Variants in RNF216 observed in about 807,000 individuals in gnomAD.
RNF216 encodes the protein ring finger protein 216.
Under a neutral mutation model 110.8 loss-of-function variants are expected in RNF216, and 72 were observed. The ratio of observed to expected loss-of-function variants is 0.65; its 90% CI spans 0.54 to 0.79. The LOEUF is 0.79. RNF216 is among the 30% of genes least tolerant of loss of function. The pLI, the probability that RNF216 is intolerant of heterozygous loss-of-function variation, is 0.00. For missense variants in RNF216, 1,342 were observed against 1,141.2 expected, an observed-to-expected ratio of 1.18 and a Z score of -2.54; for synonymous variants, 495 against 407.5, an observed-to-expected ratio of 1.21 and a Z score of -2.59.
intron 3 of RNF216, among the ~76,000 whole-genome samples, chr7:5,746,871 C>T (rs188947834): frequency 2.8e-4 from 42 of 152,268 alleles, no homozygotes; most frequent in African/African-American, 9.9e-4. Context: ...TCACTTGAAT[C>T]CTAAGACTCC....
At chr7:5,663,571 G>A (rs551301414) in intron 13 of RNF216, among the ~76,000 whole-genome samples, 5 of 132,046 alleles carry the variant, frequency 3.8e-5, no homozygotes, top group South Asian at 2.5e-4. Flanking sequence ...GCGACACAGC[G>A]AGACTCCACC....
Position 5,711,754 on chromosome 7 carries a change from T to C in RNF216, c.2061+7A>G. The C allele has an allele frequency of 6.2e-7, 1 of 1,611,004 alleles. No homozygotes were observed. Among genetic ancestry groups the C allele is most frequent in the African/African-American group, 1.3e-5 (1 of 74,964 alleles). ...ATATACATCTAGAAAAAAATGTGCCTCCCTACCTTTCGGCAGTGAGGATTA... is the reference window on the plus strand; with the variant it reads ...ATATACATCTAGAAAAAAATGTGCCCCCCTACCTTTCGGCAGTGAGGATTA... On this transcript the variant is annotated splice_region_variant and intron_variant, in intron 13 of 16. Transcript: ENST00000389902.
At chr7:5,642,032 T>TTA (rs1482358444) in intron 14 of RNF216, among the ~76,000 whole-genome samples, 1 of 98,480 alleles carries the variant, frequency 1.0e-5, no homozygotes, top group African/African-American at 4.5e-5. Flanking sequence ...GACTCTATCT[T>TTA]AAAAAAAAAA....
At chr7:5,770,611 A>G (rs1247111547) in intron 1 of RNF216, among the ~76,000 whole-genome samples, 1 of 152,134 alleles carries the variant, frequency 6.6e-6, no homozygotes, top group Non-Finnish European at 1.5e-5. Flanking sequence ...TCAGGTTTTA[A>G]GAATAGATAT....
At chr7:5,780,931 C>A (rs936620418) in intron 1 of RNF216, among the ~76,000 whole-genome samples, 2 of 152,190 alleles carry the variant, frequency 1.3e-5, no homozygotes, top group African/African-American at 4.8e-5. Flanking sequence ...ACCACCTCGA[C>A]GCGGGGACAG....
intron 3 of RNF216, among the ~76,000 whole-genome samples, chr7:5,745,829 G>A (rs1390654457): frequency 1.3e-5 from 2 of 148,856 alleles, no homozygotes; most frequent in Admixed American, 6.8e-5. Context: ...TTAAACTCGG[G>A]ATGTTGCAGT....
In RNF216 at chr7:5,668,966, C is replaced by T. The variant is rs541395591; in HGVS notation, c.2062-16456G>A. Among the ~76,000 whole-genome samples, 6 of 152,278 alleles carry T rather than the reference C, an allele frequency of 3.9e-5. No individual in the cohort carries two copies. In the East Asian group the frequency reaches 5.8e-4, roughly 15 times the overall value. On this transcript the variant is annotated intron_variant, in intron 13 of 16. Coordinates refer to ENST00000389902, the MANE Select transcript of RNF216 (RefSeq NM_207111.4). ...CATCCCCACAGGGCTCTTATCCAGC[C>T]GAAATCTAGTCATCTCCCCCAGGAA... is the stretch of plus-strand genomic sequence containing the variant.
intron 5 of RNF216, among the ~76,000 whole-genome samples, chr7:5,731,698 T>G (rs1037212241): frequency 2.6e-5 from 4 of 151,084 alleles, no homozygotes; most frequent in Admixed American, 2.0e-4. Flanking sequence ...CTGTTCTTTC[T>G]CTTGCTCCAG....
intron 1 of RNF216, among the ~76,000 whole-genome samples, chr7:5,765,427 G>A (rs1382863580): frequency 6.6e-6 from 1 of 152,024 alleles, no homozygotes; most frequent in African/African-American, 2.4e-5. Context: ...TTGTGCCACT[G>A]CACTCCAGCC....
chr7:5,731,511 T>C (rs1022021611), intron 5 of RNF216, among the ~76,000 whole-genome samples: 13 of 151,374 alleles, frequency 8.6e-5, no homozygotes, highest in African/African-American at 3.2e-4. Flanking sequence ...CACACTGATG[T>C]ATCACCACCC....
At chr7:5,719,160 G>A (rs900640576) in intron 9 of RNF216, among the ~76,000 whole-genome samples, 2 of 152,228 alleles carry the variant, frequency 1.3e-5, no homozygotes, top group African/African-American at 2.4e-5. Context: ...TTGGGAGGAC[G>A]GCTTGAGGCC....
intron 13 of RNF216, among the ~76,000 whole-genome samples, chr7:5,703,150 A>C (rs1270280107): frequency 6.6e-6 from 1 of 152,224 alleles, no homozygotes; most frequent in African/African-American, 2.4e-5. Flanking sequence ...CACATCATGC[A>C]GCATGGACTT....
intron 14 of RNF216, among the ~76,000 whole-genome samples, chr7:5,645,736 G>C (rs111377420): frequency 6.6e-6 from 1 of 151,970 alleles, no homozygotes; most frequent in African/African-American, 2.4e-5. Flanking sequence ...GACTACAGGC[G>C]CCCGCCACCA....
intron 1 of RNF216, among the ~76,000 whole-genome samples, chr7:5,778,440 C>A (rs4724727): frequency 0.97 from 147,856 of 152,300 alleles, 71,804 homozygotes; most frequent in Middle Eastern, 0.99. Flanking sequence ...CAAAGTACTT[C>A]CAACAATACT....
chr7:5,739,239 C>A (rs1316780032), intron 5 of RNF216, 37 bp downstream of exon 5: 4 of 1,499,560 alleles, frequency 2.7e-6, no homozygotes, highest in Non-Finnish European at 3.5e-6. Context: ...TTACCACCAC[C>A]ACCACCACCA....
At chr7:5,706,256 C>T (rs1184272901) in intron 13 of RNF216, among the ~76,000 whole-genome samples, 2 of 150,828 alleles carry the variant, frequency 1.3e-5, no homozygotes, top group African/African-American at 2.4e-5. Flanking sequence ...TGAAAACACA[C>T]AATACAAAAA....
intron 15 of RNF216, among the ~76,000 whole-genome samples, chr7:5,637,462 T>C (rs1460911302): frequency 3.9e-5 from 6 of 152,334 alleles, no homozygotes; most frequent in Admixed American, 1.3e-4. Context: ...TGTTCCGTGA[T>C]AGAACATTCC....
At chr7:5,780,716 G>C (rs1289684513) in intron 1 of RNF216, among the ~76,000 whole-genome samples, 1 of 145,656 alleles carries the variant, frequency 6.9e-6, no homozygotes, top group Non-Finnish European at 1.5e-5. Flanking sequence ...AAGAAAAGGA[G>C]AAAAAAAAAA....
At chr7:5,657,737 C>T (rs1301286771) in intron 13 of RNF216, among the ~76,000 whole-genome samples, 1 of 152,110 alleles carries the variant, frequency 6.6e-6, no homozygotes, top group African/African-American at 2.4e-5. Context: ...CCTCCCCACC[C>T]ATACGCCCAA....
Sources: gnomAD v4.1 joint callset for allele counts (sites outside exome capture counted in the v4.1 genomes callset) on GRCh38, gnomAD v4.1.1 for gene constraint, MANE v1.5 for transcripts, NCBI Gene and HGNC (gene_info 2026-07-23, HGNC 2026-07-21) for gene names.